Variants in PDE1C observed in about 807,000 individuals in gnomAD.
PDE1C encodes the protein dual specificity calcium/calmodulin-dependent 3',5'-cyclic nucleotide phosphodiesterase 1C.
PDE1C carries 62 observed loss-of-function variants against 93.1 expected under a neutral mutation model. The observed-to-expected ratio is 0.67, with a 90% CI of 0.54 to 0.82. The LOEUF (loss-of-function observed/expected upper bound fraction) is 0.82. PDE1C is among the 40% of genes least tolerant of loss of function. The probability of loss-of-function intolerance (pLI) is 0.00; values close to 1 mark genes in which losing one functional copy is unlikely to be tolerated. For missense variants in PDE1C, 742 were observed against 884.6 expected (o/e 0.84, Z 2.04); for synonymous variants, 325 against 310.1 (o/e 1.05, Z -0.50).
intron 2 of PDE1C, among the ~76,000 whole-genome samples, chr7:31,967,862 T>A (rs1415744024): frequency 3.9e-5 from 6 of 152,216 alleles, no homozygotes; most frequent in Admixed American, 6.5e-5. Context: ...AAAAACCACA[T>A]TATTATCTCA....
intron 2 of PDE1C, among the ~76,000 whole-genome samples, chr7:31,971,339 C>G (rs1020330674): frequency 6.6e-6 from 1 of 152,032 alleles, no homozygotes; most frequent in African/African-American, 2.4e-5. Context: ...TATACACAGA[C>G]CTGGGAACTG....
chr7:32,022,707 T>C (rs1176160700), intron 2 of PDE1C, among the ~76,000 whole-genome samples: 1 of 151,998 alleles, frequency 6.6e-6, no homozygotes. Context: ...AATATGAATG[T>C]TGTTTCTATA....
chr7:32,063,689 T>C (rs1468414656), intron 1 of PDE1C, among the ~76,000 whole-genome samples: 1 of 152,204 alleles, frequency 6.6e-6, no homozygotes, highest in African/African-American at 2.4e-5. Flanking sequence ...TTAATATACA[T>C]TAAGAATGTA....
chr7:31,670,579 T>C, the PDE1C span, among the ~76,000 whole-genome samples: 11 of 152,212 alleles, frequency 7.2e-5, no homozygotes, highest in Non-Finnish European at 1.6e-4. Context: ...GGTTGAAGTA[T>C]GCATTAAAGT....
intron 17 of PDE1C, among the ~76,000 whole-genome samples, chr7:31,768,155 C>A (rs922730388): frequency 1.3e-5 from 2 of 152,160 alleles, no homozygotes; most frequent in Non-Finnish European, 2.9e-5. Context: ...TAAGACTAAC[C>A]TTTGCCATCA....
intron 1 of PDE1C, among the ~76,000 whole-genome samples, chr7:32,212,040 A>G (rs1384736554): frequency 6.6e-6 from 1 of 151,454 alleles, no homozygotes; most frequent in Non-Finnish European, 1.5e-5. Flanking sequence ...AAAAAAAAAA[A>G]AAAAAGAAAG....
the PDE1C span, chr7:31,658,516 G>A: frequency 1.3e-6 from 1 of 742,766 alleles, no homozygotes; most frequent in Non-Finnish European, 1.9e-6. Flanking sequence ...AAGTTTTAGA[G>A]TGTTTTCATG....
rs551968223 is a variant in PDE1C at position 31,836,776 on chromosome 7, A to G, written c.1203+404T>C. ...GGAATTTTGCGTCTTGGACTTGTCC[A>G]TTAGAAAGAAACAACCCAACCAATT... On this transcript the variant is annotated intron_variant, in intron 11 of 17. Coordinates refer to ENST00000396191, the MANE Select transcript of PDE1C (RefSeq NM_001191057.4). 2.3e-3 allele frequency among the ~76,000 whole-genome samples: 350 copies of G among 152,290 alleles called. 1 individual carries two copies. The highest frequency in any genetic ancestry group is 4.2e-3 in the Non-Finnish European group (289 of 68,016).
chr7:32,322,719 C>T (rs963072660), intron 1 of PDE1C, among the ~76,000 whole-genome samples: 1 of 151,452 alleles, frequency 6.6e-6, no homozygotes, highest in African/African-American at 2.4e-5. Context: ...TGGGTTTAAG[C>T]AATTTCCTGC....
chr7:32,326,871 A>G (rs6462354), intron 1 of PDE1C, among the ~76,000 whole-genome samples: 44,726 of 152,028 alleles, frequency 0.29, 7,620 homozygotes, highest in East Asian at 0.52. Flanking sequence ...TAGAGGGAAA[A>G]TGAATGATGC....
intron 9 of PDE1C, among the ~76,000 whole-genome samples, chr7:31,844,757 C>T (rs967279483): frequency 2.6e-5 from 4 of 151,948 alleles, no homozygotes; most frequent in Non-Finnish European, 5.9e-5. Flanking sequence ...TTCTCTCCTT[C>T]TGAGACTCAA....
chr7:32,074,726 G>A (rs971961912), upstream of PDE1C, among the ~76,000 whole-genome samples: 3 of 152,214 alleles, frequency 2.0e-5, no homozygotes, highest in Admixed American at 1.3e-4. Flanking sequence ...TTGAAAGTAG[G>A]TGGAGTAGAA....
chr7:31,975,453 C>A (rs1811542084), intron 2 of PDE1C, among the ~76,000 whole-genome samples: 1 of 152,098 alleles, frequency 6.6e-6, no homozygotes, highest in Admixed American at 6.6e-5. Flanking sequence ...TTGAGACTAA[C>A]AAGAAGGTGA....
chr7:32,362,968 G>A (rs1467063754), intron 1 of PDE1C, among the ~76,000 whole-genome samples: 1 of 152,204 alleles, frequency 6.6e-6, no homozygotes, highest in Non-Finnish European at 1.5e-5. Flanking sequence ...ACAGATGGGG[G>A]AGAAGAAGGA....
chr7:32,398,230 T>C (rs950906347), intron 1 of PDE1C, among the ~76,000 whole-genome samples: 1 of 148,324 alleles, frequency 6.7e-6, no homozygotes, highest in Non-Finnish European at 1.5e-5. Flanking sequence ...GGAGAATCAG[T>C]TGAACTCAGG....
intron 2 of PDE1C, among the ~76,000 whole-genome samples, chr7:31,940,354 C>T (rs566324576): frequency 6.6e-6 from 1 of 152,144 alleles, no homozygotes; most frequent in African/African-American, 2.4e-5. Context: ...GAGGCAGTAG[C>T]TGTAAAAGCA....
chr7:32,177,330 T>C (rs947000226), intron 2 of PDE1C, among the ~76,000 whole-genome samples: 1 of 152,114 alleles, frequency 6.6e-6, no homozygotes, highest in Non-Finnish European at 1.5e-5. Flanking sequence ...ACAGGTGCAA[T>C]GTCAAGTCGT....
At chr7:31,949,481 A>AT (rs1406132067) in intron 2 of PDE1C, among the ~76,000 whole-genome samples, 1 of 152,148 alleles carries the variant, frequency 6.6e-6, no homozygotes, top group African/African-American at 2.4e-5. Flanking sequence ...AAATAAATAA[A>AT]AAAATAAATG....
intron 2 of PDE1C, among the ~76,000 whole-genome samples, chr7:31,912,066 C>A (rs545234281): frequency 1.3e-5 from 2 of 151,908 alleles, no homozygotes; most frequent in Non-Finnish European, 2.9e-5. Flanking sequence ...TCCATTGGTT[C>A]GAGGGCAAAA....
Sources: allele counts gnomAD v4.1 joint callset (sites outside exome capture counted in the v4.1 genomes callset), GRCh38; gene constraint gnomAD v4.1.1; transcripts MANE v1.5; gene names NCBI Gene and HGNC (gene_info 2026-07-23, HGNC 2026-07-21).